CPT1C: variants seen among roughly 807,000 people sequenced by gnomAD.
CPT1C encodes the protein carnitine palmitoyltransferase 1C.
CPT1C carries 61 observed loss-of-function variants against 97.3 expected under a neutral mutation model. The ratio of observed to expected loss-of-function variants is 0.63; its 90% CI spans 0.51 to 0.78. CPT1C has a LOEUF of 0.78. Ranked by LOEUF, CPT1C falls within the 30% of genes least tolerant of loss-of-function variation. The pLI, the probability that CPT1C is intolerant of heterozygous loss-of-function variation, is 0.00. For missense variants in CPT1C, 975 were observed against 1,065.5 expected (o/e 0.92, Z 1.18); for synonymous variants, 469 against 447.2 (o/e 1.05, Z -0.61).
chr19:49,697,301 A>C lies in CPT1C; in HGVS notation c.142-25A>C, dbSNP rs2082725724. 16 of 1,613,396 alleles carry C rather than the reference A, an allele frequency of 9.9e-6. No homozygotes were observed. The East Asian group carries it at 3.6e-4, about 36-fold the overall frequency. ...GCTCAGAGGAGAGGGCAGATGATTC[A>C]ATGGATGCCCTTTCCTCCCCACAGA... On this transcript the variant is annotated intron_variant, in intron 3 of 19. Transcript: ENST00000598293.
chr19:49,713,725 A>G lies in CPT1C; in HGVS notation c.*120A>G. The stretch of plus-strand genomic sequence containing the variant: ...ACATCCAGGCCAATAAAGATGTGTG[A>G]GCTGGGTGTGTGGTGTCTGCTATGC... On this transcript the variant is annotated 3_prime_UTR_variant, in exon 20 of 20. Transcript: ENST00000598293. 1 of 929,858 alleles carries G rather than the reference A, an allele frequency of 1.1e-6. No homozygotes were observed. Among genetic ancestry groups the G allele is most frequent in the South Asian group, 1.6e-5 (1 of 61,464 alleles). 57.6% of individuals were successfully genotyped at this position (929,858 alleles called of 1,614,324 possible).
Position 49,701,949 on chromosome 19 carries a change from T to A in CPT1C, c.693+315T>A, listed in dbSNP as rs2083113930. ...AAATATTAATATTTATAAATTTATA[T>A]ATAAATATATTTATATATAAATTTA... On this transcript the variant is annotated intron_variant, in intron 7 of 19. Transcript: ENST00000598293. Among the ~76,000 whole-genome samples the A allele has an allele frequency of 3.6e-5, 3 of 82,880 alleles. 1 individual carries two copies. The South Asian group carries it at 1.0e-3, about 28-fold the overall frequency. The allele number at this position is 82,880 out of a possible 152,430, so 54.4% of individuals were successfully genotyped here. A position where few individuals can be genotyped will look rare whatever the true frequency, so the allele number is the denominator to read the frequency against.
At position 49,701,616 on chromosome 19, in the gene CPT1C, C is replaced by T; in HGVS notation, c.675C>T (p.Ser225=). Residue 225 remains serine (S), a synonymous_variant, in exon 7 of 20, where the codon TCC becomes TCT. Coordinates refer to ENST00000598293, the MANE Select transcript of CPT1C (RefSeq NM_001199753.2). The stretch of plus-strand genomic sequence containing the variant: ...TGCAGTGGTACCTGCGGCTCAAGTC[C>T]TGGTGGGCGTCCAATTATGTGAGTC... ...SLLQWYLRLK[S]WWASNYVSDW... is the part of the protein sequence containing the mutation. The T allele has an allele frequency of 6.2e-7, 1 of 1,604,910 alleles. No homozygotes were observed. Among genetic ancestry groups the T allele is most frequent in the Non-Finnish European group, 8.5e-7 (1 of 1,173,832 alleles).
intron 8 of CPT1C, 99 bp from the exon 9 acceptor site, chr19:49,704,908 C>T: frequency 2.1e-6 from 3 of 1,397,594 alleles, no homozygotes; most frequent in Admixed American, 3.5e-5. Flanking sequence ...ATTCATCATT[C>T]CACCCTCTTT....
rs753164562 is a variant in CPT1C at position 49,712,993 on chromosome 19, G to A, written c.2155G>A (p.Val719Ile). The A allele has an allele frequency of 9.9e-6, 16 of 1,614,042 alleles. No homozygotes were observed. In the Middle Eastern group the frequency reaches 4.9e-4, roughly 50 times the overall value. Residue 719 changes from valine to isoleucine, a missense_variant, in exon 19 of 20, where the codon GTT (valine) becomes ATT (isoleucine). Around this residue, in one of 3 missense-constraint regions of CPT1C, gnomAD observed 344 missense variants for 395.7 expected, o/e 0.87. Coordinates refer to ENST00000598293, the MANE Select transcript of CPT1C (RefSeq NM_001199753.2). ...FGPADDHGYG[V>I]SYIFMGDGMI... ...CCAGGCTGATGACCATGGTTATGGT[G>A]TTTCTTATATCTTCATGGGGGATGG... is the stretch of plus-strand genomic sequence containing the variant.
intron 7 of CPT1C, among the ~76,000 whole-genome samples, chr19:49,701,930 TA>T (rs2083106238): frequency 2.1e-5 from 2 of 93,592 alleles, no homozygotes; most frequent in South Asian, 5.4e-4. Context: ...ATACAAATAT[TA>T]ATATTTATAA....
chr19:49,694,088 AAATAAAT>A (rs1461757219), intron 3 of CPT1C, among the ~76,000 whole-genome samples: 1 of 43,648 alleles, frequency 2.3e-5, no homozygotes, highest in African/African-American at 3.3e-4. Flanking sequence ...ATAAAATAAA[AAATAAAT>A]AAATAAATAA....
At chr19:49,709,935 C>T (rs372614242) in intron 14 of CPT1C, among the ~76,000 whole-genome samples, 170 of 152,000 alleles carry the variant, frequency 1.1e-3, no homozygotes, top group African/African-American at 3.9e-3. Flanking sequence ...CAACCTCTGC[C>T]TCCTGGGTTC....
upstream of CPT1C, chr19:49,690,797 T>G (rs2123051341): frequency 3.3e-6 from 1 of 305,288 alleles, no homozygotes; most frequent in Non-Finnish European, 6.0e-6. The surrounding 1 kb of genome is among the most constrained non-coding windows in gnomAD (Gnocchi z 4.4). Context: ...CTCCCTGGCG[T>G]GAAAGGGCTG....
intron 7 of CPT1C, among the ~76,000 whole-genome samples, chr19:49,702,114 T>A (rs778148838): frequency 0.023 from 274 of 12,120 alleles, 24 homozygotes; most frequent in African/African-American, 0.046. Flanking sequence ...AAATATATAT[T>A]TATTTATTTA....
chr19:49,692,913 A>G (rs1386466582), intron 3 of CPT1C, among the ~76,000 whole-genome samples: 2 of 151,910 alleles, frequency 1.3e-5, no homozygotes, highest in Non-Finnish European at 2.9e-5. Flanking sequence ...TATTTATGAG[A>G]CAGAGTCTCA....
At chr19:49,708,173 G>T (rs976061119) in intron 13 of CPT1C, among the ~76,000 whole-genome samples, 1 of 151,844 alleles carries the variant, frequency 6.6e-6, no homozygotes. Context: ...GTCACACAGC[G>T]AGGAGTTACA....
At chr19:49,696,023 C>G (rs1489637512) in intron 3 of CPT1C, among the ~76,000 whole-genome samples, 5 of 151,836 alleles carry the variant, frequency 3.3e-5, no homozygotes, top group Non-Finnish European at 4.4e-5. Context: ...ATTATAGGTT[C>G]CCACCACCAC....
Position 49,700,765 on chromosome 19 carries a change from A to G in CPT1C, c.363A>G (p.Thr121=). ...GTTTGTGGGGAGCCCTGATCTTCAC[A>G]CTGCACGTGGCCCTGAGGCTGCTTC... is the stretch of plus-strand genomic sequence containing the variant. ...ASCLWGALIF[T]LHVALRLLLS... The change falls in exon 5 of 20, where the codon ACA becomes ACG. Residue 121 remains threonine, a synonymous_variant. Coordinates refer to ENST00000598293, the MANE Select transcript of CPT1C (RefSeq NM_001199753.2). 3 of 1,613,108 alleles carry G rather than the reference A, an allele frequency of 1.9e-6. No individual in the cohort carries two copies. Among genetic ancestry groups the G allele is most frequent in the South Asian group, 1.1e-5 (1 of 91,074 alleles).
At position 49,697,342 on chromosome 19, in the gene CPT1C, G is replaced by A; in HGVS notation, c.158G>A (p.Gly53Asp). The A allele has an allele frequency of 6.2e-7, 1 of 1,614,080 alleles. No homozygotes were observed. Among genetic ancestry groups the A allele is most frequent in the East Asian group, 2.2e-5 (1 of 44,868 alleles). Residue 53 changes from glycine to aspartate, a missense_variant, in exon 4 of 20, where the codon GGT becomes GAT. This residue lies in a region of CPT1C where 596 missense variants were observed against 603.1 expected (regional missense o/e 0.99). Transcript: ENST00000598293. ...TCCCCACAGAATGACTTTCTCACCG[G>A]TGTGTTTCCTGCCAGCCCCCTCAGT... ...LSRFWNDFLT[G>D]VFPASPLSWL... is the part of the protein sequence containing the mutation.
intron 7 of CPT1C, among the ~76,000 whole-genome samples, chr19:49,704,254 C>T (rs978020162): frequency 6.6e-6 from 1 of 152,196 alleles, no homozygotes; most frequent in Non-Finnish European, 1.5e-5. Context: ...TCCTTGCAAC[C>T]TCTGCCTCCC....
chr19:49,701,570 T>G lies in CPT1C; in HGVS notation c.629T>G (p.Leu210Arg), dbSNP rs1318071750. Residue 210 changes from leucine (L) to arginine (R), a missense_variant, in exon 7 of 20, where the codon CTG becomes CGG. Leu to Arg is a moderately radical substitution (Grantham distance 102). This residue lies in a region of CPT1C where 596 missense variants were observed against 603.1 expected (regional missense o/e 0.99). Transcript: ENST00000598293. ...DWTAVLAQEF[L>R]RLQASLLQWY... ...ACCGCGGTCCTGGCGCAGGAATTCCTGAGGCTGCAGGCGTCGCTGCTGCAG... is the reference window on the plus strand; with the variant it reads ...ACCGCGGTCCTGGCGCAGGAATTCCGGAGGCTGCAGGCGTCGCTGCTGCAG... 1 of 1,612,452 alleles carries G rather than the reference T, an allele frequency of 6.2e-7. No homozygotes were observed. The highest frequency in any genetic ancestry group is 1.7e-5 in the Admixed American group (1 of 59,880).
At position 49,702,085 on chromosome 19, in the gene CPT1C, A is replaced by ATATT. The variant is rs1386632559; in HGVS notation, c.693+459_693+462dup. On this transcript the variant is annotated intron_variant, in intron 7 of 19. Coordinates refer to ENST00000598293, the MANE Select transcript of CPT1C (RefSeq NM_001199753.2). ...ATATTTATTTATAAATTATAAATAT[A>ATATT]TATTTATTTATAAATTATAAATATA... Among the ~76,000 whole-genome samples, 10 of 98,034 alleles carry ATATT rather than the reference A, an allele frequency of 1.0e-4. 1 individual carries two copies. Among genetic ancestry groups the ATATT allele is most frequent in the African/African-American group, 5.6e-4 (10 of 17,948 alleles). 64.3% of individuals were successfully genotyped at this position (98,034 alleles called of 152,430 possible).
intron 16 of CPT1C, chr19:49,711,071 C>T: frequency 2.2e-6 from 1 of 459,514 alleles, no homozygotes; most frequent in Admixed American, 3.8e-5. Flanking sequence ...TCACAGGGCA[C>T]TGGGGGTGCA....
Sources: gnomAD v4.1 joint callset for allele counts (sites outside exome capture counted in the v4.1 genomes callset) on GRCh38, gnomAD v4.1.1 for gene constraint, gnomAD v4.1.1 regional missense constraint, Gnocchi (gnomAD v3.1) non-coding constraint, MANE v1.5 for transcripts, NCBI Gene and HGNC (gene_info 2026-07-23, HGNC 2026-07-21) for gene names.